The following NXPE2 variants were observed in gnomAD, a reference collection of about 807,000 sequenced individuals.
The protein encoded by NXPE2 is NXPE family member 2.
A neutral mutation model predicts 34.4 loss-of-function variants in NXPE2; 34 were observed. The observed-to-expected ratio is 0.99, with a 90% CI of 0.75 to 1.31. The LOEUF is 1.31. Ranked by LOEUF, NXPE2 falls within the 40% of genes most tolerant of loss-of-function variation. NXPE2 has a pLI of 0.00. For synonymous variants in NXPE2, 235 were observed against 231.3 expected (o/e 1.02, Z -0.15); for missense variants, 649 against 672.5 (o/e 0.97, Z 0.39).
Position 114,706,832 on chromosome 11 carries a change from G to A in NXPE2, c.1582G>A (p.Ala528Thr), listed in dbSNP as rs1191928111. 6.4e-7 allele frequency: 1 copy of A among 1,551,982 alleles called. No individual in the cohort carries two copies. Among genetic ancestry groups the A allele is most frequent in the African/African-American group, 1.4e-5 (1 of 73,146 alleles). ...FVDLNVGIID[A>T]WDMTIAYCTN... ...GGATCTTAATGTGGGTATTATTGAT[G>A]CCTGGGACATGACGATTGCATATTG... The change falls in exon 6 of 6, where the codon GCC becomes ACC. Residue 528 changes from alanine to threonine, a missense_variant. By Grantham distance (58) the Ala-to-Thr change is moderately conservative. Transcript: ENST00000389586.
At chr11:114,681,577 T>C (rs1950950352) in intron 2 of NXPE2, among the ~76,000 whole-genome samples, 1 of 152,142 alleles carries the variant, frequency 6.6e-6, no homozygotes, top group Non-Finnish European at 1.5e-5. Context: ...TTCCTTCAAG[T>C]CTTTTTCATC....
the NXPE2 span, among the ~76,000 whole-genome samples, chr11:114,620,215 T>C: frequency 2.0e-5 from 3 of 152,032 alleles, no homozygotes; most frequent in Non-Finnish European, 2.9e-5. Context: ...TTTTGCCTGA[T>C]GGGTAACCAC....
the NXPE2 span, among the ~76,000 whole-genome samples, chr11:114,730,895 G>A: frequency 1.3e-5 from 2 of 152,100 alleles, no homozygotes; most frequent in African/African-American, 4.8e-5. Context: ...TATTTCTCTT[G>A]CCTGGTTGCT....
At chr11:114,586,926 G>C in the NXPE2 span, among the ~76,000 whole-genome samples, 1 of 152,140 alleles carries the variant, frequency 6.6e-6, no homozygotes, top group Non-Finnish European at 1.5e-5. Context: ...TGCCGTTTTT[G>C]TGATTTTCTA....
At chr11:114,616,501 C>T in the NXPE2 span, among the ~76,000 whole-genome samples, 13 of 151,552 alleles carry the variant, frequency 8.6e-5, no homozygotes, top group East Asian at 5.8e-4. Context: ...CACTGTTAAC[C>T]GGTGGATAAT....
the NXPE2 span, among the ~76,000 whole-genome samples, chr11:114,725,012 C>T: frequency 1.3e-5 from 2 of 151,328 alleles, no homozygotes; most frequent in African/African-American, 2.4e-5. Flanking sequence ...TCACTTGAAC[C>T]CAGGAGCAGC....
At chr11:114,655,256 T>C in the NXPE2 span, among the ~76,000 whole-genome samples, 4 of 152,022 alleles carry the variant, frequency 2.6e-5, no homozygotes, top group African/African-American at 9.7e-5. Context: ...TGCAAAAATT[T>C]TCTCCCATTC....
At chr11:114,720,307 G>T in the NXPE2 span, among the ~76,000 whole-genome samples, 1 of 152,220 alleles carries the variant, frequency 6.6e-6, no homozygotes, top group African/African-American at 2.4e-5. Flanking sequence ...GCTAGGGGAA[G>T]ACCGACTACA....
the NXPE2 span, among the ~76,000 whole-genome samples, chr11:114,789,684 G>T: frequency 6.6e-6 from 1 of 152,160 alleles, no homozygotes; most frequent in African/African-American, 2.4e-5. Flanking sequence ...CTTCACATCT[G>T]GGGGGCTTCA....
At chr11:114,633,588 T>C in the NXPE2 span, among the ~76,000 whole-genome samples, 1 of 151,612 alleles carries the variant, frequency 6.6e-6, no homozygotes, top group Non-Finnish European at 1.5e-5. Context: ...GCATTAGGTA[T>C]ATCTCATAAT....
chr11:114,731,727 G>A, the NXPE2 span, among the ~76,000 whole-genome samples: 1 of 152,296 alleles, frequency 6.6e-6, no homozygotes, highest in East Asian at 1.9e-4. Context: ...ACATAAATCA[G>A]TGCATATAAT....
chr11:114,720,330 T>C, the NXPE2 span, among the ~76,000 whole-genome samples: 1 of 152,226 alleles, frequency 6.6e-6, no homozygotes, highest in African/African-American at 2.4e-5. Context: ...GGAGAGAGTC[T>C]CACCTGAGTC....
the NXPE2 span, among the ~76,000 whole-genome samples, chr11:114,634,701 C>A: frequency 6.6e-6 from 1 of 152,044 alleles, no homozygotes; most frequent in Non-Finnish European, 1.5e-5. Flanking sequence ...GTTTTCCCAG[C>A]ACCATTTATT....
the NXPE2 span, among the ~76,000 whole-genome samples, chr11:114,547,228 A>T: frequency 6.6e-6 from 1 of 152,330 alleles, no homozygotes; most frequent in Non-Finnish European, 1.5e-5. Flanking sequence ...CAGTGATGTC[A>T]TATTGACAGC....
the NXPE2 span, among the ~76,000 whole-genome samples, chr11:114,620,317 T>G: frequency 1.3e-5 from 2 of 150,918 alleles, no homozygotes; most frequent in East Asian, 4.0e-4. Context: ...CACTGTTACC[T>G]GGTGGATAAT....
At chr11:114,536,788 T>C in the NXPE2 span, among the ~76,000 whole-genome samples, 6 of 152,090 alleles carry the variant, frequency 3.9e-5, no homozygotes, top group Admixed American at 1.3e-4. Flanking sequence ...AGGCAATAAT[T>C]AATAGCTTAC....
At chr11:114,788,229 C>T in the NXPE2 span, among the ~76,000 whole-genome samples, 4 of 152,214 alleles carry the variant, frequency 2.6e-5, no homozygotes, top group Admixed American at 1.3e-4. Flanking sequence ...AAAGAAACAG[C>T]CCCTTTTGTG....
chr11:114,638,941 C>G, the NXPE2 span, among the ~76,000 whole-genome samples: 2 of 151,988 alleles, frequency 1.3e-5, no homozygotes, highest in Non-Finnish European at 2.9e-5. Flanking sequence ...AGGAGGCAGT[C>G]TGCCCATTTT....
chr11:114,711,267 A>C (rs1383121532), downstream of NXPE2, among the ~76,000 whole-genome samples: 1 of 152,092 alleles, frequency 6.6e-6, no homozygotes, highest in Non-Finnish European at 1.5e-5. Flanking sequence ...AAACAAAAAA[A>C]TTTTGTTATA....
Sources: gnomAD v4.1 joint callset for allele counts (sites outside exome capture counted in the v4.1 genomes callset) on GRCh38, gnomAD v4.1.1 for gene constraint, MANE v1.5 for transcripts, NCBI Gene and HGNC (gene_info 2026-07-23, HGNC 2026-07-21) for gene names.